The following USP24 variants were observed in gnomAD, a reference collection of about 807,000 sequenced individuals.
USP24 encodes ubiquitin specific peptidase 24.
In USP24, 97 loss-of-function variants were observed where a neutral mutation model predicts 361.6. The observed-to-expected ratio is 0.27, with a 90% CI of 0.23 to 0.32. The LOEUF is 0.32. Among genes scored for constraint, USP24 ranks in the 10% least tolerant of loss-of-function variants. The pLI is 1.00. For missense variants in USP24, 2,353 were observed against 3,165.6 expected (o/e 0.74, Z 6.16); for synonymous variants, 1,098 against 1,124.6 (o/e 0.98, Z 0.47).
chr1:55,109,555 C>T (rs1270473890), intron 39 of USP24, among the ~76,000 whole-genome samples: 1 of 151,874 alleles, frequency 6.6e-6, no homozygotes, highest in Non-Finnish European at 1.5e-5. Flanking sequence ...ATTTTTTTTC[C>T]TCCTGGTCTT....
chr1:55,205,324 G>A (rs1281721356), intron 1 of USP24, among the ~76,000 whole-genome samples: 2 of 151,250 alleles, frequency 1.3e-5, no homozygotes, highest in East Asian at 3.8e-4. Flanking sequence ...GCAAAATGCT[G>A]TGAGATATGG....
Position 55,143,004 on chromosome 1 carries a change from A to C in USP24, c.2555T>G (p.Ile852Ser), listed in dbSNP as rs767039140. ...AIQLIINYSY[I>S]NLNPRLKKDS... ...CTTCTTTAATCTAGGATTTAGATTA[A>C]TGTAACTATAGTTTATGATTAGCTG... The change falls in exon 22 of 68, where the codon ATT becomes AGT. Residue 852 changes from isoleucine (I) to serine (S), a missense_variant. Ile to Ser is a moderately radical substitution (Grantham distance 142). Transcript: ENST00000294383. 2 of 1,518,428 alleles carry C rather than the reference A, an allele frequency of 1.3e-6. No individual in the cohort carries two copies. Among genetic ancestry groups the C allele is most frequent in the South Asian group, 2.6e-5 (2 of 77,890 alleles). 94.1% of individuals were successfully genotyped at this position (1,518,428 alleles called of 1,614,324 possible).
intron 16 of USP24, among the ~76,000 whole-genome samples, chr1:55,152,885 T>A (rs1277078268): frequency 6.6e-6 from 1 of 152,128 alleles, no homozygotes; most frequent in East Asian, 1.9e-4. Flanking sequence ...AAAAGCCCAC[T>A]GAGCTAAGAG....
intron 38 of USP24, among the ~76,000 whole-genome samples, chr1:55,114,614 G>C (rs1348863636): frequency 6.6e-6 from 1 of 152,108 alleles, no homozygotes; most frequent in African/African-American, 2.4e-5. Context: ...TCTGATCTTT[G>C]ACACACCTGA....
intron 28 of USP24, 25 bp downstream of exon 28, chr1:55,137,490 T>A: frequency 6.2e-7 from 1 of 1,601,844 alleles, no homozygotes; most frequent in Non-Finnish European, 8.5e-7. Flanking sequence ...TTCTTGTTTT[T>A]AAATGGAAAT....
At chr1:55,187,578 T>C (rs1644167957) in intron 1 of USP24, among the ~76,000 whole-genome samples, 2 of 152,142 alleles carry the variant, frequency 1.3e-5, no homozygotes, top group Admixed American at 6.5e-5. Context: ...CCAGAATAAA[T>C]GAGTTCAGCA....
intron 1 of USP24, 142 bp from the exon 2 acceptor site, chr1:55,178,274 A>G: frequency 1.1e-6 from 1 of 885,348 alleles, no homozygotes; most frequent in Non-Finnish European, 1.7e-6. Context: ...CTTTCCTATA[A>G]TCACATCTTT....
intron 3 of USP24, among the ~76,000 whole-genome samples, chr1:55,173,900 G>GT (rs1281217445): frequency 6.6e-6 from 1 of 152,200 alleles, no homozygotes; most frequent in East Asian, 1.9e-4. Flanking sequence ...AAATAAAAAT[G>GT]TATGTGGATT....
At chr1:55,176,711 T>C (rs1026402448) in intron 2 of USP24, among the ~76,000 whole-genome samples, 2 of 152,218 alleles carry the variant, frequency 1.3e-5, no homozygotes, top group Non-Finnish European at 2.9e-5. Flanking sequence ...ACTGAAATGA[T>C]TGAACTTACA....
At chr1:55,200,494 T>TTA (rs1644541799) in intron 1 of USP24, among the ~76,000 whole-genome samples, 1 of 152,232 alleles carries the variant, frequency 6.6e-6, no homozygotes, top group Non-Finnish European at 1.5e-5. Flanking sequence ...GTTACCATAC[T>TTA]ACTGTTTCTT....
At chr1:55,193,744 A>G (rs1246946871) in intron 1 of USP24, among the ~76,000 whole-genome samples, 1 of 152,184 alleles carries the variant, frequency 6.6e-6, no homozygotes, top group East Asian at 1.9e-4. Flanking sequence ...AAGTGTACAT[A>G]TATTATAATT....
intron 1 of USP24, among the ~76,000 whole-genome samples, chr1:55,212,826 G>A (rs287235): frequency 6.6e-6 from 1 of 151,954 alleles, no homozygotes; most frequent in Non-Finnish European, 1.5e-5. Flanking sequence ...ACAGGTCTAG[G>A]AGAAATGAGG....
intron 7 of USP24, among the ~76,000 whole-genome samples, chr1:55,164,473 T>G (rs17412236): frequency 0.11 from 16,884 of 152,022 alleles, 1,139 homozygotes; most frequent in Non-Finnish European, 0.16. Context: ...GGCCTAAATT[T>G]ATCCTGGGAC....
Position 55,097,110 on chromosome 1 carries a change from A to G in USP24, c.5778T>C (p.Ser1926=), listed in dbSNP as rs767683108. The G allele has an allele frequency of 6.2e-7, 1 of 1,613,962 alleles. No homozygotes were observed. The highest frequency in any genetic ancestry group is 1.1e-5 in the South Asian group (1 of 91,080). ...TTCGCCCATTTTCCCCAACTTCAGA[A>G]GAAGAATCTTGGCGAGCCATTCCTG... ...TVSGMARQDS[S]SEVGENGRSV... The change falls in exon 49 of 68, where the codon TCT becomes TCC. Residue 1926 remains serine, a synonymous_variant. Transcript: ENST00000294383.
chr1:55,130,264 T>C (rs1402620375), intron 31 of USP24, among the ~76,000 whole-genome samples: 1 of 152,234 alleles, frequency 6.6e-6, no homozygotes, highest in Non-Finnish European at 1.5e-5. Context: ...TTTACCTAGC[T>C]GAGAGACCTT....
chr1:55,151,864 G>GGTAGCTGAGGGTGGGAGGGGA, intron 16 of USP24: 1 of 976,966 alleles, frequency 1.0e-6, no homozygotes, highest in Non-Finnish European at 1.2e-6. Flanking sequence ...GGGGAATAGA[G>GGTAGCTGAGGGTGGGAGGGGA]GTAGCTGAGG....
intron 5 of USP24, among the ~76,000 whole-genome samples, chr1:55,170,517 G>T (rs909799485): frequency 6.6e-6 from 1 of 152,138 alleles, no homozygotes; most frequent in African/African-American, 2.4e-5. Flanking sequence ...TGCCTGCATG[G>T]GTTCTCCCTG....
At chr1:55,119,998 G>A (rs1646232885) in intron 38 of USP24, among the ~76,000 whole-genome samples, 1 of 152,160 alleles carries the variant, frequency 6.6e-6, no homozygotes, top group South Asian at 2.1e-4. Flanking sequence ...CACAGTAGGG[G>A]CTGTGTGGTG....
At position 55,177,625 on chromosome 1, in the gene USP24, A is replaced by T. The variant is rs113321552; in HGVS notation, c.490+342T>A. Among the ~76,000 whole-genome samples, 379 of 152,326 alleles carry T rather than the reference A, an allele frequency of 2.5e-3. 1 individual carries two copies. The highest frequency in any genetic ancestry group is 8.4e-3 in the African/African-American group (349 of 41,574). On this transcript the variant is annotated intron_variant, in intron 2 of 67. Transcript: ENST00000294383. ...AGCTTAAAACAATGTCAGGTACTTA[A>T]TAAGCACAAGTTTGTTAAATAAATA...
Sources: allele counts gnomAD v4.1 joint callset (sites outside exome capture counted in the v4.1 genomes callset), GRCh38; gene constraint gnomAD v4.1.1; transcripts MANE v1.5; gene names NCBI Gene and HGNC (gene_info 2026-07-23, HGNC 2026-07-21).